The following SPATA7 variants were observed in gnomAD, a reference collection of about 807,000 sequenced individuals.
SPATA7 encodes the protein spermatogenesis-associated protein 7.
Under a neutral mutation model 51.8 loss-of-function variants are expected in SPATA7, and 43 were observed. That is an observed-to-expected ratio of 0.83 (90% CI 0.65 to 1.07). The LOEUF (loss-of-function observed/expected upper bound fraction) is 1.07. Among genes scored for constraint, SPATA7 ranks in the 50% least tolerant of loss-of-function variants. The pLI is 0.00. For missense variants in SPATA7, 683 were observed against 701.3 expected (o/e 0.97, Z 0.30); for synonymous variants, 230 against 252.8 (o/e 0.91, Z 0.86).
downstream of SPATA7, among the ~76,000 whole-genome samples, chr14:88,440,782 T>C (rs114182351): frequency 2.1e-3 from 319 of 152,278 alleles, 4 homozygotes; most frequent in African/African-American, 7.2e-3. Flanking sequence ...AAGAATTAAA[T>C]GAGCTTGCAT....
In SPATA7 at chr14:88,437,445, CA is replaced by C; in HGVS notation, c.1161-97del. 5 of 875,640 alleles carry C rather than the reference CA, an allele frequency of 5.7e-6. 1 individual carries two copies. In the South Asian group the frequency reaches 7.4e-5, roughly 13 times the overall value. 54.2% of individuals were successfully genotyped at this position (875,640 alleles called of 1,614,324 possible). ...CAGAGAAAAAGAAAAATCTGAAAAA[CA>C]TTTTTCAACCTTTGTAGTTTCAGTG... is the stretch of plus-strand genomic sequence containing the variant. On this transcript the variant is annotated intron_variant, in intron 10 of 11. Transcript: ENST00000393545.
chr14:88,409,175 C>G (rs2076273567), intron 4 of SPATA7, among the ~76,000 whole-genome samples: 1 of 152,062 alleles, frequency 6.6e-6, no homozygotes, highest in South Asian at 2.1e-4. Flanking sequence ...GGAATGGTAC[C>G]AGCTCCTCTT....
At chr14:88,397,407 C>T (rs1402723782) in intron 4 of SPATA7, among the ~76,000 whole-genome samples, 3 of 152,082 alleles carry the variant, frequency 2.0e-5, no homozygotes, top group Admixed American at 1.3e-4. Flanking sequence ...CTATGGGAGA[C>T]AGAGGCAAGT....
intron 10 of SPATA7, among the ~76,000 whole-genome samples, chr14:88,434,170 G>A (rs2077013348): frequency 6.6e-6 from 1 of 152,058 alleles, no homozygotes; most frequent in Non-Finnish European, 1.5e-5. Context: ...ATGTATTTAT[G>A]CTTAAAATTT....
chr14:88,440,263 G>A (rs965295151), downstream of SPATA7, among the ~76,000 whole-genome samples: 8 of 152,110 alleles, frequency 5.3e-5, no homozygotes, highest in African/African-American at 1.9e-4. Flanking sequence ...TTTGGTCCAA[G>A]CCCCAGACCT....
intron 1 of SPATA7, among the ~76,000 whole-genome samples, chr14:88,386,221 T>C (rs73319843): frequency 0.035 from 5,369 of 152,240 alleles, 308 homozygotes; most frequent in African/African-American, 0.12. Flanking sequence ...TCAGTTTTCT[T>C]ATCTCTTGAA....
chr14:88,394,732 A>G (rs2075836125), intron 3 of SPATA7, among the ~76,000 whole-genome samples: 1 of 152,342 alleles, frequency 6.6e-6, no homozygotes, highest in Admixed American at 6.5e-5. Flanking sequence ...AAGAAACTAC[A>G]GTTTTCCAGA....
intron 5 of SPATA7, among the ~76,000 whole-genome samples, chr14:88,424,552 C>T (rs958800762): frequency 6.6e-6 from 1 of 152,240 alleles, no homozygotes; most frequent in East Asian, 1.9e-4. Context: ...TTTCTCCTTC[C>T]TCTGATCTCA....
At chr14:88,453,835 A>G (rs2077267183) in intron 3 of SPATA7, among the ~76,000 whole-genome samples, 2 of 152,196 alleles carry the variant, frequency 1.3e-5, no homozygotes, top group Admixed American at 6.5e-5. Flanking sequence ...AAGGAATATC[A>G]TATCCTAAAA....
chr14:88,425,442 A>C (rs763650297), intron 5 of SPATA7, among the ~76,000 whole-genome samples: 1 of 152,104 alleles, frequency 6.6e-6, no homozygotes, highest in Non-Finnish European at 1.5e-5. Flanking sequence ...CCCTCTACCT[A>C]ATGAAAGTGC....
intron 1 of SPATA7, among the ~76,000 whole-genome samples, chr14:88,386,678 G>A (rs2075588025): frequency 6.6e-6 from 1 of 152,116 alleles, no homozygotes; most frequent in Non-Finnish European, 1.5e-5. Context: ...CACACTTTCT[G>A]AGCCAGTATC....
chr14:88,454,779 C>T (rs2077273590), intron 3 of SPATA7, among the ~76,000 whole-genome samples: 2 of 152,092 alleles, frequency 1.3e-5, no homozygotes, highest in East Asian at 1.9e-4. Flanking sequence ...CTTCACTCCA[C>T]CCTGGGTGAC....
chr14:88,446,723 GC>G (rs2077215802), intron 3 of SPATA7, among the ~76,000 whole-genome samples: 1 of 152,076 alleles, frequency 6.6e-6, no homozygotes, highest in Non-Finnish European at 1.5e-5. Context: ...CTTTATTTCT[GC>G]CTTCGTTTTG....
chr14:88,427,442 A>AAGG (rs908127213), intron 6 of SPATA7, among the ~76,000 whole-genome samples, 188 bp from the exon 7 acceptor site: 1 of 142,074 alleles, frequency 7.0e-6, no homozygotes, highest in African/African-American at 3.1e-5. Flanking sequence ...GAATATAGAT[A>AAGG]AGTACAGTGA....
chr14:88,401,393 T>A (rs1414394273), intron 4 of SPATA7, among the ~76,000 whole-genome samples: 1 of 152,216 alleles, frequency 6.6e-6, no homozygotes, highest in Non-Finnish European at 1.5e-5. Context: ...GGTAACATGA[T>A]GCTTAATGAA....
intron 4 of SPATA7, among the ~76,000 whole-genome samples, chr14:88,461,165 C>G (rs1370952263): frequency 6.6e-6 from 1 of 152,230 alleles, no homozygotes; most frequent in African/African-American, 2.4e-5. Flanking sequence ...CAGGGACCCA[C>G]TTGAGGGGGC....
downstream of SPATA7, among the ~76,000 whole-genome samples, chr14:88,439,572 C>T (rs544966358): frequency 2.0e-5 from 3 of 152,158 alleles, no homozygotes; most frequent in Non-Finnish European, 4.4e-5. Context: ...AAATACAACC[C>T]AGGTATTCTT....
At chr14:88,456,128 A>T (rs1202112288), downstream of SPATA7, among the ~76,000 whole-genome samples, 1 of 152,098 alleles carries the variant, frequency 6.6e-6, no homozygotes, top group Admixed American at 6.6e-5. Flanking sequence ...TCTATCATTG[A>T]TGGACATTTG....
downstream of SPATA7, among the ~76,000 whole-genome samples, chr14:88,442,066 C>T (rs2077181930): frequency 6.6e-6 from 1 of 152,134 alleles, no homozygotes; most frequent in Non-Finnish European, 1.5e-5. Context: ...CGTGGCTTAC[C>T]AATTGTCCCA....
Sources: gnomAD v4.1 joint callset for allele counts (sites outside exome capture counted in the v4.1 genomes callset) on GRCh38, gnomAD v4.1.1 for gene constraint, MANE v1.5 for transcripts, NCBI Gene and HGNC (gene_info 2026-07-23, HGNC 2026-07-21) for gene names.